The following UNC13C variants were observed in gnomAD, a reference collection of about 807,000 sequenced individuals.
UNC13C encodes unc-13 homolog C.
Under a neutral mutation model 245.4 loss-of-function variants are expected in UNC13C, and 174 were observed. The ratio of observed to expected loss-of-function variants is 0.71; its 90% CI spans 0.63 to 0.80. UNC13C has a LOEUF of 0.80. Among genes scored for constraint, UNC13C ranks in the 30% least tolerant of loss-of-function variants. The probability of loss-of-function intolerance (pLI) is 0.00; values close to 1 mark genes in which losing one functional copy is unlikely to be tolerated. For missense variants in UNC13C, 2,829 were observed against 2,602.9 expected, an observed-to-expected ratio of 1.09 and a Z score of -1.89; for synonymous variants, 992 against 895.1, an observed-to-expected ratio of 1.11 and a Z score of -1.93.
chr15:53,864,434 C>T, the UNC13C span, among the ~76,000 whole-genome samples: 1 of 152,192 alleles, frequency 6.6e-6, no homozygotes, highest in East Asian at 1.9e-4. Context: ...TTTCTCTTAA[C>T]CTCTTTCAAA....
chr15:54,226,095 TG>T (rs1169787270), intron 4 of UNC13C, among the ~76,000 whole-genome samples: 1 of 152,224 alleles, frequency 6.6e-6, no homozygotes, highest in Non-Finnish European at 1.5e-5. Flanking sequence ...TCTGTTTATT[TG>T]GTAAATTACA....
At chr15:54,379,624 TGATTTA>T (rs2039678195) in intron 17 of UNC13C, among the ~76,000 whole-genome samples, 1 of 152,170 alleles carries the variant, frequency 6.6e-6, no homozygotes, top group African/African-American at 2.4e-5. Context: ...TCAGTTATCC[TGATTTA>T]GTAGGTCTAC....
rs571161393 is a variant in UNC13C, at chr15:54,377,654, C to T, written c.4714-15394C>T. Among the ~76,000 whole-genome samples the T allele has an allele frequency of 2.0e-5, 3 of 152,300 alleles. No homozygotes were observed. The South Asian group carries it at 6.2e-4, about 32-fold the overall frequency. Reference sequence around the variant, plus strand: ...AGGAAGTTCAAGATGAAGGTGCTAGCAGATTTGGTGTCTGCTAAGGGTCCA... The same window carrying T: ...AGGAAGTTCAAGATGAAGGTGCTAGTAGATTTGGTGTCTGCTAAGGGTCCA... On this transcript the variant is annotated intron_variant, in intron 17 of 32. Coordinates refer to ENST00000260323, the MANE Select transcript of UNC13C (RefSeq NM_001080534.3).
intron 30 of UNC13C, among the ~76,000 whole-genome samples, chr15:54,610,477 C>T (rs557213825): frequency 6.6e-6 from 1 of 152,058 alleles, no homozygotes; most frequent in African/African-American, 2.4e-5. Flanking sequence ...CTCAAGTGAT[C>T]CACCCACCTC....
chr15:54,604,694 C>T (rs192587693), intron 30 of UNC13C, among the ~76,000 whole-genome samples: 1 of 152,200 alleles, frequency 6.6e-6, no homozygotes, highest in African/African-American at 2.4e-5. Context: ...AATATTTCCA[C>T]TTGAACACCT....
In UNC13C at chr15:54,264,413, TA is replaced by T; in HGVS notation, c.3676+23del. The T allele has an allele frequency of 2.0e-6, 3 of 1,535,452 alleles. No individual in the cohort carries two copies. Among genetic ancestry groups the T allele is most frequent in the Non-Finnish European group, 2.6e-6 (3 of 1,132,206 alleles). ...CATTACAGGTAAAAATAAGTCTTCT[TA>T]AAAATTTGTATTGTAAATTGAGATT... On this transcript the variant is annotated intron_variant, in intron 9 of 32. Coordinates refer to ENST00000260323, the MANE Select transcript of UNC13C (RefSeq NM_001080534.3).
At chr15:54,624,075 C>A (rs1900984210) in intron 32 of UNC13C, 121 bp downstream of exon 32, 2 of 1,236,820 alleles carry the variant, frequency 1.6e-6, no homozygotes, top group Non-Finnish European at 2.3e-6. Context: ...TTTTAGTTCC[C>A]TTCCATTCAT....
At chr15:54,316,081 A>T (rs1323005705) in intron 13 of UNC13C, among the ~76,000 whole-genome samples, 1 of 151,906 alleles carries the variant, frequency 6.6e-6, no homozygotes, top group Non-Finnish European at 1.5e-5. Context: ...ACTTCCTAAG[A>T]CATGTTGAAG....
chr15:54,414,569 C>T (rs1472059002), intron 18 of UNC13C, among the ~76,000 whole-genome samples: 2 of 152,122 alleles, frequency 1.3e-5, no homozygotes, highest in African/African-American at 4.8e-5. Context: ...ATTGCTTGAA[C>T]CCGGGAGGCA....
chr15:53,929,780 C>T, the UNC13C span, among the ~76,000 whole-genome samples: 12 of 152,102 alleles, frequency 7.9e-5, no homozygotes, highest in African/African-American at 2.7e-4. Flanking sequence ...GTTTTAGAAA[C>T]CAGCATTTTT....
In UNC13C at chr15:54,566,807, G is replaced by A. The variant is rs551065644; in HGVS notation, c.5959-993G>A. Among the ~76,000 whole-genome samples the A allele has an allele frequency of 7.9e-5, 12 of 152,184 alleles. No individual in the cohort carries two copies. The East Asian group carries it at 1.6e-3, about 20-fold the overall frequency. ...TTCTTAAGGAGTGGGAAAGAAGAATGACACATACCCATTTAGGAGAGCGTC... is the reference window on the plus strand; with the variant it reads ...TTCTTAAGGAGTGGGAAAGAAGAATAACACATACCCATTTAGGAGAGCGTC... On this transcript the variant is annotated intron_variant, in intron 29 of 32. Transcript: ENST00000260323.
the UNC13C span, among the ~76,000 whole-genome samples, chr15:53,935,367 G>T: frequency 3.9e-5 from 6 of 152,184 alleles, no homozygotes; most frequent in South Asian, 1.0e-3. Context: ...CAGAGATATG[G>T]GGTTTTGTTT....
chr15:54,431,435 T>C (rs1231501174), intron 19 of UNC13C, among the ~76,000 whole-genome samples: 1 of 151,642 alleles, frequency 6.6e-6, no homozygotes, highest in South Asian at 2.1e-4. Context: ...GTATCTAATA[T>C]GCAATATCAC....
chr15:54,225,334 T>G (rs1240358303), intron 4 of UNC13C, among the ~76,000 whole-genome samples: 1 of 152,230 alleles, frequency 6.6e-6, no homozygotes, highest in Non-Finnish European at 1.5e-5. Flanking sequence ...TAGCTTTTGC[T>G]AATTCTGTGA....
At chr15:54,319,977 C>G (rs2038107501) in intron 13 of UNC13C, among the ~76,000 whole-genome samples, 2 of 151,942 alleles carry the variant, frequency 1.3e-5, no homozygotes, top group Non-Finnish European at 2.9e-5. Context: ...GATCTTTAAG[C>G]ATAAAGCTGG....
chr15:53,995,705 G>T (rs930554128), intron 1 of UNC13C, among the ~76,000 whole-genome samples: 1 of 152,188 alleles, frequency 6.6e-6, no homozygotes, highest in African/African-American at 2.4e-5. Flanking sequence ...CATTGTCGTG[G>T]AAGTAAATAG....
chr15:54,370,318 G>A (rs1226443989), intron 17 of UNC13C, among the ~76,000 whole-genome samples: 3 of 152,042 alleles, frequency 2.0e-5, no homozygotes, highest in South Asian at 2.1e-4. Context: ...ACTGTCTATT[G>A]TTGCTAACCC....
intron 25 of UNC13C, among the ~76,000 whole-genome samples, chr15:54,528,638 C>T (rs748361479): frequency 3.3e-5 from 5 of 151,874 alleles, no homozygotes; most frequent in Admixed American, 6.6e-5. Context: ...GTCCCCCCAC[C>T]CCAATGCTCT....
intron 26 of UNC13C, among the ~76,000 whole-genome samples, chr15:54,542,744 C>G (rs907070395): frequency 6.6e-6 from 1 of 152,068 alleles, no homozygotes; most frequent in Non-Finnish European, 1.5e-5. Flanking sequence ...ATCCCTTTAC[C>G]ATTTTGTAAT....
Sources: gnomAD v4.1 joint callset for allele counts (sites outside exome capture counted in the v4.1 genomes callset) on GRCh38, gnomAD v4.1.1 for gene constraint, MANE v1.5 for transcripts, NCBI Gene and HGNC (gene_info 2026-07-23, HGNC 2026-07-21) for gene names.